The following GPHN variants were observed in gnomAD, a reference collection of about 807,000 sequenced individuals.
GPHN encodes gephyrin.
In GPHN, 17 loss-of-function variants were observed where a neutral mutation model predicts 95.5. The ratio of observed to expected loss-of-function variants is 0.18; its 90% CI spans 0.12 to 0.27. The LOEUF (loss-of-function observed/expected upper bound fraction) is 0.27, where lower values mean the gene tolerates loss of function less well. GPHN is among the 10% of genes least tolerant of loss of function. The pLI is 1.00. For synonymous variants in GPHN, 320 were observed against 322.5 expected (o/e 0.99, Z 0.08); for missense variants, 660 against 978.1 (o/e 0.67, Z 4.34).
intron 8 of GPHN, among the ~76,000 whole-genome samples, chr14:66,956,755 A>G (rs928306202): frequency 1.9e-4 from 29 of 152,178 alleles, no homozygotes; most frequent in African/African-American, 7.0e-4. Context: ...AAAATGTGGC[A>G]CATATACACC....
At chr14:66,694,228 C>A (rs2067977921) in intron 2 of GPHN, among the ~76,000 whole-genome samples, 1 of 152,058 alleles carries the variant, frequency 6.6e-6, no homozygotes, top group African/African-American at 2.4e-5. Context: ...GGCCCCTTTC[C>A]CCTACCACCA....
At chr14:66,764,248 A>T (rs1260483858) in intron 2 of GPHN, among the ~76,000 whole-genome samples, 1 of 151,942 alleles carries the variant, frequency 6.6e-6, no homozygotes, top group Non-Finnish European at 1.5e-5. Context: ...TGATGGGAGG[A>T]TGTTCGTGGG....
chr14:66,761,682 T>C (rs2873998), intron 2 of GPHN, among the ~76,000 whole-genome samples: 48,961 of 148,588 alleles, frequency 0.33, 11,925 homozygotes, highest in African/African-American at 0.66. Flanking sequence ...TTTTTTGAGA[T>C]GGAGTCTCTT....
the GPHN span, among the ~76,000 whole-genome samples, chr14:67,611,474 G>A: frequency 1.0e-3 from 152 of 151,840 alleles, no homozygotes; most frequent in African/African-American, 3.5e-3. Flanking sequence ...ACCGTATTGG[G>A]CAGGCTGGTC....
At chr14:66,964,217 TATAATA>T (rs139534110) in intron 8 of GPHN, among the ~76,000 whole-genome samples, 1 of 152,122 alleles carries the variant, frequency 6.6e-6, no homozygotes, top group African/African-American at 2.4e-5. Flanking sequence ...TGTTGATAAG[TATAATA>T]ATAACAGTAA....
chr14:66,769,384 A>C (rs528841556), intron 2 of GPHN, among the ~76,000 whole-genome samples: 22 of 152,084 alleles, frequency 1.4e-4, no homozygotes, highest in Non-Finnish European at 2.8e-4. Context: ...AGGTAAACTC[A>C]TGTCATAGGG....
chr14:66,774,128 G>A (rs2059291785), intron 2 of GPHN, among the ~76,000 whole-genome samples: 1 of 147,612 alleles, frequency 6.8e-6, no homozygotes, highest in African/African-American at 2.5e-5. Context: ...TCAGCCTCCC[G>A]AGTAGCTGGG....
intron 1 of GPHN, among the ~76,000 whole-genome samples, chr14:66,663,747 G>C (rs1036434047): frequency 1.3e-5 from 2 of 152,206 alleles, no homozygotes; most frequent in Admixed American, 1.3e-4. Flanking sequence ...CCCATCTCAT[G>C]TGGAATGACA....
At chr14:66,702,302 C>G (rs943581553) in intron 2 of GPHN, among the ~76,000 whole-genome samples, 3 of 152,184 alleles carry the variant, frequency 2.0e-5, no homozygotes, top group Non-Finnish European at 4.4e-5. Flanking sequence ...AATCTAAGTA[C>G]TTCATTAAAC....
chr14:67,043,081 G>C (rs2074799113), intron 10 of GPHN, among the ~76,000 whole-genome samples: 1 of 152,124 alleles, frequency 6.6e-6, no homozygotes, highest in African/African-American at 2.4e-5. Context: ...CATTTATTTT[G>C]TATCCTGAGA....
intron 2 of GPHN, among the ~76,000 whole-genome samples, chr14:66,759,633 T>C (rs901249012): frequency 6.6e-6 from 1 of 152,172 alleles, no homozygotes; most frequent in African/African-American, 2.4e-5. Flanking sequence ...GTGAAATGGG[T>C]CTGTTGAAGA....
intron 17 of GPHN, among the ~76,000 whole-genome samples, chr14:67,138,803 C>T (rs183564567): frequency 1.3e-5 from 2 of 150,554 alleles, no homozygotes; most frequent in Non-Finnish European, 2.9e-5. Flanking sequence ...TTTCATTCCA[C>T]AGAGTGATAG....
rs369567590 is a variant in GPHN, at chr14:66,683,354, A to T, written c.143+2169A>T. Among the ~76,000 whole-genome samples, 28 of 37,406 alleles carry T rather than the reference A, an allele frequency of 7.5e-4. 2 individuals are homozygous for T. Among genetic ancestry groups the T allele is most frequent in the African/African-American group, 7.0e-3 (22 of 3,124 alleles). 24.5% of individuals were successfully genotyped at this position (37,406 alleles called of 152,430 possible). On this transcript the variant is annotated intron_variant, in intron 2 of 22. Coordinates refer to ENST00000478722, the MANE Select transcript of GPHN (RefSeq NM_020806.5). ...AATATATATATATATATATATATAT[A>T]TATATATATATATATATATATATAT...
chr14:67,196,454 T>C, the GPHN span, among the ~76,000 whole-genome samples: 4 of 152,194 alleles, frequency 2.6e-5, no homozygotes, highest in Non-Finnish European at 4.4e-5. Flanking sequence ...ACTCCTGACC[T>C]AAGGTGATCT....
the GPHN span, among the ~76,000 whole-genome samples, chr14:67,536,820 A>G: frequency 6.6e-6 from 1 of 151,852 alleles, no homozygotes; most frequent in Non-Finnish European, 1.5e-5. Flanking sequence ...AGGCAGGTGG[A>G]TCACCTGAGG....
chr14:67,726,978 C>T, the GPHN span: 4 of 1,612,170 alleles, frequency 2.5e-6, no homozygotes, highest in South Asian at 2.2e-5. Flanking sequence ...GCTCTCCTCA[C>T]AGGCCACTTC....
intron 1 of GPHN, among the ~76,000 whole-genome samples, chr14:66,591,678 A>G (rs1199831028): frequency 6.6e-6 from 1 of 152,234 alleles, no homozygotes; most frequent in South Asian, 2.1e-4. Flanking sequence ...ATGGAAAAAC[A>G]TTCCAAGCTC....
At chr14:67,693,048 T>C in the GPHN span, 1 of 1,608,890 alleles carries the variant, frequency 6.2e-7, no homozygotes, top group Non-Finnish European at 8.5e-7. Context: ...CTGGACAGCA[T>C]TTTCCTGCAG....
chr14:67,301,957 A>T, the GPHN span: 1 of 1,582,254 alleles, frequency 6.3e-7, no homozygotes. Flanking sequence ...AATGCCATGG[A>T]TTTCTTTGAA....
Sources: allele counts gnomAD v4.1 joint callset (sites outside exome capture counted in the v4.1 genomes callset), GRCh38; gene constraint gnomAD v4.1.1; transcripts MANE v1.5; gene names NCBI Gene and HGNC (gene_info 2026-07-23, HGNC 2026-07-21).